The following ANKRD11 variants were observed in gnomAD, a reference collection of about 807,000 sequenced individuals.
The protein encoded by ANKRD11 is ankyrin repeat domain-containing protein 11.
In ANKRD11, 17 loss-of-function variants were observed where a neutral mutation model predicts 195.7. The observed-to-expected ratio is 0.09, with a 90% CI of 0.06 to 0.13. ANKRD11 has a LOEUF of 0.13. Ranked by LOEUF, ANKRD11 falls within the 10% of genes least tolerant of loss-of-function variation. The pLI, the probability that ANKRD11 is intolerant of heterozygous loss-of-function variation, is 1.00. For missense variants in ANKRD11, 3,735 were observed against 3,566.1 expected, an observed-to-expected ratio of 1.05 and a Z score of -1.21; for synonymous variants, 1,953 against 1,528.1, an observed-to-expected ratio of 1.28 and a Z score of -6.49.
chr16:89,371,627 TGAC>T (rs2040197980), intron 2 of ANKRD11, among the ~76,000 whole-genome samples: 1 of 152,082 alleles, frequency 6.6e-6, no homozygotes, highest in African/African-American at 2.4e-5. Context: ...CCTGCCCACA[TGAC>T]GACACCCAAG....
intron 11 of ANKRD11, among the ~76,000 whole-genome samples, chr16:89,273,915 G>A (rs2033407477): frequency 6.6e-6 from 1 of 152,154 alleles, no homozygotes; most frequent in Non-Finnish European, 1.5e-5. Flanking sequence ...GGCTCTCGGT[G>A]CGAGATCTGG....
Position 89,282,992 on chromosome 16 carries a change from T to C in ANKRD11, c.3550A>G (p.Arg1184Gly), listed in dbSNP as rs1349727699. 1 of 1,613,818 alleles carries C rather than the reference T, an allele frequency of 6.2e-7. No homozygotes were observed. The highest frequency in any genetic ancestry group is 2.2e-5 in the East Asian group (1 of 44,854). ...TCGGCAGCCCCTCGGTCCTTTCTCCTGTCTCTGGGCTCCTTGTCCTTCTGC... is the reference window on the plus strand; with the variant it reads ...TCGGCAGCCCCTCGGTCCTTTCTCCCGTCTCTGGGCTCCTTGTCCTTCTGC... ...ERQKDKEPRD[R>G]RKDRGAADAG... The change falls in exon 9 of 13, where the codon AGG (arginine) becomes GGG (glycine). Residue 1184 changes from arginine (R) to glycine (G), a missense_variant. Coordinates refer to ENST00000301030, the MANE Select transcript of ANKRD11 (RefSeq NM_013275.6).
chr16:89,310,050 G>A (rs1242291712), intron 3 of ANKRD11, among the ~76,000 whole-genome samples: 1 of 152,212 alleles, frequency 6.6e-6, no homozygotes, highest in East Asian at 1.9e-4. Context: ...TGTAGTAACT[G>A]AAAAATGGCC....
At chr16:89,423,239 A>G (rs2042584924) in intron 1 of ANKRD11, among the ~76,000 whole-genome samples, 1 of 152,260 alleles carries the variant, frequency 6.6e-6, no homozygotes, top group African/African-American at 2.4e-5. Flanking sequence ...GACCTTATGC[A>G]AACAATGATT....
chr16:89,475,151 C>A (rs1264033191), intron 1 of ANKRD11, among the ~76,000 whole-genome samples: 2 of 152,182 alleles, frequency 1.3e-5, no homozygotes, highest in Non-Finnish European at 2.9e-5. Flanking sequence ...GGCTGGGGAG[C>A]TCTTGGGTCG....
chr16:89,424,328 C>G (rs1489655845), intron 1 of ANKRD11, among the ~76,000 whole-genome samples: 1 of 151,950 alleles, frequency 6.6e-6, no homozygotes, highest in Non-Finnish European at 1.5e-5. Flanking sequence ...GTAATCCCAG[C>G]TACTCGGGAG....
chr16:89,447,546 C>T (rs531028758), intron 1 of ANKRD11, among the ~76,000 whole-genome samples: 5 of 152,268 alleles, frequency 3.3e-5, no homozygotes, highest in African/African-American at 4.8e-5. Context: ...CGTGCACTCA[C>T]ACTCCCTGCT....
chr16:89,406,460 G>A (rs969211232), intron 2 of ANKRD11, among the ~76,000 whole-genome samples: 6 of 152,186 alleles, frequency 3.9e-5, no homozygotes, highest in Admixed American at 1.3e-4. Context: ...AAGGCCGCAC[G>A]GGCAAAGGAG....
intron 1 of ANKRD11, among the ~76,000 whole-genome samples, chr16:89,462,026 C>G (rs1288550745): frequency 6.7e-6 from 1 of 150,310 alleles, no homozygotes; most frequent in Non-Finnish European, 1.5e-5. Context: ...CACGCTCCCT[C>G]TCCCTCCCCC....
At position 89,334,333 on chromosome 16, in the gene ANKRD11, G is replaced by T. The variant is rs114179234; in HGVS notation, c.-59-17255C>A. On this transcript the variant is annotated intron_variant, in intron 2 of 12. Transcript: ENST00000301030. ...CTGCCAATACGGCCAAGTTTCTGAA[G>T]TTGGTGACATGTGAGGGTACCCCAA... is the stretch of plus-strand genomic sequence containing the variant. Among the ~76,000 whole-genome samples the T allele has an allele frequency of 6.0e-3, 908 of 152,018 alleles. 7 individuals are homozygous for T. Among genetic ancestry groups the T allele is most frequent in the African/African-American group, 0.021 (852 of 41,430 alleles).
chr16:89,436,005 T>C (rs1053347794), intron 1 of ANKRD11, among the ~76,000 whole-genome samples: 2 of 152,228 alleles, frequency 1.3e-5, no homozygotes, highest in African/African-American at 4.8e-5. Flanking sequence ...CAGGTGCTGC[T>C]GAGAGCAGAG....
chr16:89,341,791 G>A (rs1169050479), intron 2 of ANKRD11, among the ~76,000 whole-genome samples: 1 of 152,186 alleles, frequency 6.6e-6, no homozygotes, highest in African/African-American at 2.4e-5. Context: ...GCCAAGAGAT[G>A]GCAGAGTCTG....
chr16:89,348,672 A>T (rs1452637423), intron 2 of ANKRD11, among the ~76,000 whole-genome samples: 1 of 152,214 alleles, frequency 6.6e-6, no homozygotes, highest in Admixed American at 6.5e-5. Flanking sequence ...AGTAAGCTGA[A>T]CTAGTTTAAG....
intron 2 of ANKRD11, among the ~76,000 whole-genome samples, chr16:89,408,265 G>A (rs1362693125): frequency 6.6e-6 from 1 of 152,244 alleles, no homozygotes; most frequent in Non-Finnish European, 1.5e-5. Flanking sequence ...CTCCACCCTA[G>A]AGAAGTGGCA....
chr16:89,482,728 G>A (rs549704683), intron 1 of ANKRD11, among the ~76,000 whole-genome samples: 3 of 152,302 alleles, frequency 2.0e-5, no homozygotes, highest in East Asian at 3.9e-4. Context: ...GGAGGTCGAC[G>A]CTGCAGTGAG....
chr16:89,300,572 G>C lies in ANKRD11; in HGVS notation c.226+4634C>G. The stretch of plus-strand genomic sequence containing the variant: ...TCACACACTTGTCGCCTCTAGCACT[G>C]GGCAAGGTCTGGCATTCAGAGTTCC... On this transcript the variant is annotated intron_variant, in intron 4 of 12. Coordinates refer to ENST00000301030, the MANE Select transcript of ANKRD11 (RefSeq NM_013275.6). 8.0e-6 allele frequency: 3 copies of C among 377,134 alleles called. No individual in the cohort carries two copies. In the East Asian group the frequency reaches 1.6e-4, roughly 20 times the overall value. The allele number at this position is 377,134 out of a possible 1,614,324, so 23.4% of individuals were successfully genotyped here.
At chr16:89,403,745 C>A (rs572929148) in intron 2 of ANKRD11, 1 of 152,106 alleles carries the variant, frequency 6.6e-6, no homozygotes, top group Non-Finnish European at 1.5e-5. Context: ...ATCTGGGCAA[C>A]AGAGCAAGCC....
chr16:89,484,382 G>A (rs1159114819), intron 1 of ANKRD11, among the ~76,000 whole-genome samples: 1 of 152,186 alleles, frequency 6.6e-6, no homozygotes, highest in East Asian at 1.9e-4. Flanking sequence ...ATGATTTCAA[G>A]TTTACATCAT....
chr16:89,401,615 T>TC (rs1215237201), intron 2 of ANKRD11, among the ~76,000 whole-genome samples: 1 of 152,090 alleles, frequency 6.6e-6, no homozygotes, highest in Non-Finnish European at 1.5e-5. Flanking sequence ...TTGAAATGTG[T>TC]CCCCCAAGAA....
Sources: gnomAD v4.1 joint callset for allele counts (sites outside exome capture counted in the v4.1 genomes callset) on GRCh38, gnomAD v4.1.1 for gene constraint, MANE v1.5 for transcripts, NCBI Gene and HGNC (gene_info 2026-07-23, HGNC 2026-07-21) for gene names.